The following AGBL4 variants were observed in gnomAD, a reference collection of about 807,000 sequenced individuals.
The protein encoded by AGBL4 is AGBL carboxypeptidase 4.
In AGBL4, 58 loss-of-function variants were observed where a neutral mutation model predicts 66.4. That is an observed-to-expected ratio of 0.87 (90% CI 0.71 to 1.09). The LOEUF is 1.09. Ranked by LOEUF, AGBL4 falls within the 50% of genes least tolerant of loss-of-function variation. The probability of loss-of-function intolerance (pLI) is 0.00; values close to 1 mark genes in which losing one functional copy is unlikely to be tolerated. For missense variants in AGBL4, 579 were observed against 631.0 expected (o/e 0.92, Z 0.88); for synonymous variants, 234 against 222.9 (o/e 1.05, Z -0.44).
At chr1:49,874,425 T>C (rs1245746629) in intron 1 of AGBL4, among the ~76,000 whole-genome samples, 1 of 152,128 alleles carries the variant, frequency 6.6e-6, no homozygotes, top group Non-Finnish European at 1.5e-5. Flanking sequence ...TTAGTGTGTA[T>C]ATTTTCCAGA....
chr1:48,789,532 T>A (rs543648224), intron 6 of AGBL4, among the ~76,000 whole-genome samples: 4 of 152,058 alleles, frequency 2.6e-5, no homozygotes, highest in African/African-American at 7.2e-5. Context: ...CTTGTGATCC[T>A]ACCACCTTGG....
At chr1:49,011,227 A>G (rs1662379823) in intron 5 of AGBL4, among the ~76,000 whole-genome samples, 2 of 152,168 alleles carry the variant, frequency 1.3e-5, no homozygotes, top group South Asian at 4.1e-4. Context: ...AAAGGACATG[A>G]ACAGACACTT....
At chr1:49,847,426 A>C (rs1646177700) in intron 2 of AGBL4, among the ~76,000 whole-genome samples, 1 of 152,216 alleles carries the variant, frequency 6.6e-6, no homozygotes, top group Admixed American at 6.5e-5. Flanking sequence ...TAATTAAACT[A>C]AAAAGCTTCC....
chr1:49,230,656 T>C (rs1156448806), intron 4 of AGBL4, among the ~76,000 whole-genome samples: 1 of 152,208 alleles, frequency 6.6e-6, no homozygotes, highest in East Asian at 1.9e-4. Flanking sequence ...TTGGAGGAAA[T>C]ATAATGGAAA....
chr1:48,879,264 GA>G (rs1323526784), intron 5 of AGBL4, among the ~76,000 whole-genome samples: 9 of 151,578 alleles, frequency 5.9e-5, no homozygotes, highest in Non-Finnish European at 1.2e-4. Context: ...AGTCTGTTGA[GA>G]GGGGTCAGTG....
intron 4 of AGBL4, among the ~76,000 whole-genome samples, chr1:49,130,020 A>G (rs538715995): frequency 6.6e-6 from 1 of 152,238 alleles, no homozygotes; most frequent in East Asian, 1.9e-4. Flanking sequence ...CTGGTGTGAG[A>G]TGGTATCTCA....
chr1:49,520,695 C>T (rs1325821900), intron 3 of AGBL4, among the ~76,000 whole-genome samples: 1 of 151,992 alleles, frequency 6.6e-6, no homozygotes, highest in Non-Finnish European at 1.5e-5. Context: ...CCTCTAGACG[C>T]TGATTTCCAA....
At chr1:49,312,342 T>A (rs763994972) in intron 3 of AGBL4, among the ~76,000 whole-genome samples, 2 of 152,070 alleles carry the variant, frequency 1.3e-5, no homozygotes, top group Non-Finnish European at 2.9e-5. Context: ...GACAGAGTCC[T>A]TATCAGACAC....
intron 3 of AGBL4, among the ~76,000 whole-genome samples, chr1:49,621,658 T>C (rs1006294834): frequency 6.6e-6 from 1 of 152,246 alleles, no homozygotes; most frequent in African/African-American, 2.4e-5. Context: ...TATTTATTCC[T>C]AATTAGATGG....
intron 5 of AGBL4, among the ~76,000 whole-genome samples, chr1:48,963,375 C>T (rs545739834): frequency 1.3e-5 from 2 of 152,254 alleles, no homozygotes; most frequent in South Asian, 2.1e-4. Flanking sequence ...CTATAGCACT[C>T]CTTGAATGCC....
intron 3 of AGBL4, among the ~76,000 whole-genome samples, chr1:49,665,373 A>G (rs944157232): frequency 6.6e-6 from 1 of 152,276 alleles, no homozygotes; most frequent in African/African-American, 2.4e-5. Flanking sequence ...CTTGAAGCCC[A>G]GTTCTACAAA....
At chr1:49,548,244 G>A (rs1475285287) in intron 3 of AGBL4, among the ~76,000 whole-genome samples, 1 of 152,146 alleles carries the variant, frequency 6.6e-6, no homozygotes, top group African/African-American at 2.4e-5. Context: ...CGTATTGTCA[G>A]CAAACAGTGA....
chr1:48,619,248 G>A (rs1298459318), intron 9 of AGBL4, among the ~76,000 whole-genome samples: 1 of 152,242 alleles, frequency 6.6e-6, no homozygotes, highest in African/African-American at 2.4e-5. Context: ...GTGCAAGAGA[G>A]TGCAGAGGTG....
chr1:49,877,706 A>G (rs1647062593), intron 1 of AGBL4, among the ~76,000 whole-genome samples: 1 of 151,440 alleles, frequency 6.6e-6, no homozygotes. Flanking sequence ...CTCTTTTTCT[A>G]TTGATTGGAA....
chr1:48,704,066 G>A lies in AGBL4; in HGVS notation c.635-40825C>T, dbSNP rs536626258. ...CCTAGGCTATGAACCTGTACAGCAT[G>A]GTACTGTACTGAGTACTACGGGAAA... On this transcript the variant is annotated intron_variant, in intron 6 of 13. Coordinates refer to ENST00000371839, the MANE Select transcript of AGBL4 (RefSeq NM_032785.4). 3.3e-5 allele frequency among the ~76,000 whole-genome samples: 5 copies of A among 152,274 alleles called. No individual in the cohort carries two copies. In the South Asian group the frequency reaches 1.0e-3, roughly 32 times the overall value.
intron 1 of AGBL4, among the ~76,000 whole-genome samples, chr1:49,929,183 G>C: frequency 6.6e-6 from 1 of 152,100 alleles, no homozygotes; most frequent in East Asian, 1.9e-4. Flanking sequence ...GGGGGGCAAA[G>C]ATTGAAAAAC....
At chr1:49,257,231 G>A (rs926827637) in intron 3 of AGBL4, among the ~76,000 whole-genome samples, 2 of 152,230 alleles carry the variant, frequency 1.3e-5, no homozygotes, top group Non-Finnish European at 2.9e-5. Context: ...AGTCTGCAAA[G>A]GTTACTGCTG....
intron 6 of AGBL4, among the ~76,000 whole-genome samples, chr1:48,809,167 T>G (rs1040050179): frequency 6.6e-6 from 1 of 152,042 alleles, no homozygotes; most frequent in Non-Finnish European, 1.5e-5. Flanking sequence ...TCCCTGAGAT[T>G]AGTTTCCTGG....
At chr1:49,504,444 G>C (rs1648491589) in intron 3 of AGBL4, among the ~76,000 whole-genome samples, 1 of 151,818 alleles carries the variant, frequency 6.6e-6, no homozygotes, top group African/African-American at 2.4e-5. Context: ...ATGATGATTT[G>C]TCCACTGCTG....
Sources: allele counts gnomAD v4.1 joint callset (sites outside exome capture counted in the v4.1 genomes callset), GRCh38; gene constraint gnomAD v4.1.1; transcripts MANE v1.5; gene names NCBI Gene and HGNC (gene_info 2026-07-23, HGNC 2026-07-21).